ARHGEF7: variants seen among roughly 807,000 people sequenced by gnomAD.
ARHGEF7 encodes the protein PAK-interacting exchange factor beta.
ARHGEF7 carries 33 observed loss-of-function variants against 109.8 expected under a neutral mutation model. The observed-to-expected ratio is 0.30, with a 90% CI of 0.23 to 0.40. ARHGEF7 has a LOEUF of 0.40. Among genes scored for constraint, ARHGEF7 ranks in the 10% least tolerant of loss-of-function variants. The probability of loss-of-function intolerance (pLI) is 1.00; values close to 1 mark genes in which losing one functional copy is unlikely to be tolerated. For synonymous variants in ARHGEF7, 458 were observed against 424.6 expected, an observed-to-expected ratio of 1.08 and a Z score of -0.97; for missense variants, 938 against 1,098.5, an observed-to-expected ratio of 0.85 and a Z score of 2.07.
chr13:111,293,738 G>A, intron 19 of ARHGEF7: 1 of 985,414 alleles, frequency 1.0e-6, no homozygotes, highest in African/African-American at 1.7e-5. Context: ...CTTCAGGGTG[G>A]CTGTAATTCC....
chr13:111,204,012 A>G (rs2081478024), intron 2 of ARHGEF7, among the ~76,000 whole-genome samples: 2 of 152,154 alleles, frequency 1.3e-5, no homozygotes, highest in African/African-American at 4.8e-5. Context: ...TAGTCTAGGG[A>G]GGCCTGTAGA....
chr13:111,159,775 A>G lies in ARHGEF7; in HGVS notation c.252+5784A>G, dbSNP rs1486106329. On this transcript the variant is annotated intron_variant, in intron 2 of 21. Transcript: ENST00000646102. ...ATTTTGGATATTAGCTTCTTATCAG[A>G]TGTATGGTTTGCAAATACTTTCTTT... 5.3e-5 allele frequency among the ~76,000 whole-genome samples: 8 copies of G among 152,210 alleles called. No individual in the cohort carries two copies. In the East Asian group the frequency reaches 1.5e-3, roughly 29 times the overall value.
intron 2 of ARHGEF7, among the ~76,000 whole-genome samples, chr13:111,194,300 G>A (rs1473407973): frequency 6.6e-6 from 1 of 152,108 alleles, no homozygotes; most frequent in African/African-American, 2.4e-5. Flanking sequence ...TTAAGGTTTT[G>A]AAGGCTGTTT....
In ARHGEF7 at chr13:111,297,409, G is replaced by A. The variant is rs971706209; in HGVS notation, c.2312-3339G>A. ...ATTTGTGTATCCCTAAATCCTTCTC[G>A]CATGCTTTAAGTGTAGCTGTAGAAA... On this transcript the variant is annotated intron_variant, in intron 19 of 21. Coordinates refer to ENST00000646102, the MANE Select transcript of ARHGEF7 (RefSeq NM_001354046.2). Among the ~76,000 whole-genome samples, 6 of 152,198 alleles carry A rather than the reference G, an allele frequency of 3.9e-5. No individual in the cohort carries two copies. In the East Asian group the frequency reaches 9.6e-4, roughly 24 times the overall value.
At chr13:111,200,338 T>TC (rs2081074579) in intron 2 of ARHGEF7, among the ~76,000 whole-genome samples, 1 of 152,166 alleles carries the variant, frequency 6.6e-6, no homozygotes, top group South Asian at 2.1e-4. Context: ...CATTTTTTTT[T>TC]CTCTTATTGT....
chr13:111,274,804 C>A lies in ARHGEF7; in HGVS notation c.1272+14C>A. On this transcript the variant is annotated intron_variant, in intron 11 of 21. Coordinates refer to ENST00000646102, the MANE Select transcript of ARHGEF7 (RefSeq NM_001354046.2). ...AAAAACCTTTCAGTAAGTGATTAAG[C>A]ATATTGTTTTCCCCCCCAGACATTA... The A allele has an allele frequency of 1.4e-6, 2 of 1,417,250 alleles. No homozygotes were observed. Among genetic ancestry groups the A allele is most frequent in the South Asian group, 1.6e-5 (1 of 60,816 alleles). The allele number at this position is 1,417,250 out of a possible 1,614,324, so 87.8% of individuals were successfully genotyped here. A position where few individuals can be genotyped will look rare whatever the true frequency, so the allele number is the denominator to read the frequency against.
intron 2 of ARHGEF7, among the ~76,000 whole-genome samples, chr13:111,192,996 T>G (rs761098463): frequency 2.0e-5 from 3 of 152,210 alleles, no homozygotes; most frequent in Non-Finnish European, 4.4e-5. Context: ...GGACTTATGA[T>G]GGACCAAGGG....
At chr13:111,184,929 T>G (rs927738399) in intron 2 of ARHGEF7, 1 of 152,246 alleles carries the variant, frequency 6.6e-6, no homozygotes, top group African/African-American at 2.4e-5. Context: ...TGCACCTGTT[T>G]CCTGTGTCAC....
At chr13:111,174,468 C>T (rs1203850192) in intron 2 of ARHGEF7, among the ~76,000 whole-genome samples, 2 of 152,186 alleles carry the variant, frequency 1.3e-5, no homozygotes, top group African/African-American at 4.8e-5. Flanking sequence ...CTGTCATCTC[C>T]TTGTCTGTCT....
At chr13:111,261,874 G>A (rs2091126384) in intron 8 of ARHGEF7, among the ~76,000 whole-genome samples, 1 of 152,184 alleles carries the variant, frequency 6.6e-6, no homozygotes, top group South Asian at 2.1e-4. Flanking sequence ...TGACCAGTGG[G>A]TCAATGAAGA....
intron 2 of ARHGEF7, chr13:111,182,255 G>A (rs1594390897): frequency 6.6e-6 from 1 of 152,362 alleles, no homozygotes. Flanking sequence ...AAGCATTTCT[G>A]AGACTCTTTT....
chr13:111,230,231 A>G (rs991432320), intron 5 of ARHGEF7, among the ~76,000 whole-genome samples: 7 of 152,208 alleles, frequency 4.6e-5, no homozygotes, highest in Non-Finnish European at 1.0e-4. Flanking sequence ...ACTAAGCTAC[A>G]TTCTCTTGGT....
chr13:111,153,846 T>C, intron 1 of ARHGEF7, 59 bp from the exon 2 acceptor site: 1 of 1,568,634 alleles, frequency 6.4e-7, no homozygotes, highest in Non-Finnish European at 8.6e-7. Context: ...TCGCTCGGCC[T>C]TGTCCGCGGC....
At chr13:111,238,774 A>C (rs2087227535) in intron 6 of ARHGEF7, among the ~76,000 whole-genome samples, 1 of 151,970 alleles carries the variant, frequency 6.6e-6, no homozygotes, top group African/African-American at 2.4e-5. Context: ...TTAGAGAATG[A>C]GGTTTCTTAA....
intron 1 of ARHGEF7, chr13:111,122,864 T>C (rs1220811847): frequency 6.6e-6 from 1 of 152,228 alleles, no homozygotes; most frequent in South Asian, 2.1e-4. Flanking sequence ...CTGCATGTGG[T>C]TGTGTAAGCT....
At chr13:111,190,787 G>A (rs866003419) in intron 2 of ARHGEF7, among the ~76,000 whole-genome samples, 11 of 152,192 alleles carry the variant, frequency 7.2e-5, no homozygotes, top group Admixed American at 2.0e-4. Flanking sequence ...GATATAGGTC[G>A]ATGTTCCACA....
At chr13:111,294,273 C>T in intron 19 of ARHGEF7, 1 of 985,444 alleles carries the variant, frequency 1.0e-6, no homozygotes. Context: ...TCAGGGAGCA[C>T]TTTTTTGTTT....
At chr13:111,201,917 T>C (rs1043390557) in intron 2 of ARHGEF7, among the ~76,000 whole-genome samples, 9 of 152,228 alleles carry the variant, frequency 5.9e-5, no homozygotes, top group African/African-American at 2.2e-4. Flanking sequence ...GTTTGAATAC[T>C]CTGGGCTTCT....
chr13:111,280,619 C>T lies in ARHGEF7; in HGVS notation c.1667C>T (p.Thr556Met), dbSNP rs539695846. 8.1e-5 allele frequency: 130 copies of T among 1,612,502 alleles called. No homozygotes were observed. In the Middle Eastern group the frequency reaches 8.3e-4, roughly 10 times the overall value. The part of the protein sequence containing the change: ...QEWVEHLQKQ[T>M]KVTSVGNPTI... Reference sequence around the variant, plus strand: ...TGGGTGGAGCACCTACAGAAGCAAACGAAGGTCACGTCTGTGGGAAACCCC... The same window carrying T: ...TGGGTGGAGCACCTACAGAAGCAAATGAAGGTCACGTCTGTGGGAAACCCC... The change falls in exon 15 of 22, where the codon ACG becomes ATG. Residue 556 changes from threonine to methionine, a missense_variant. By Grantham distance (81) the Thr-to-Met change is moderately conservative. Transcript: ENST00000646102.
Sources: gnomAD v4.1 joint callset for allele counts (sites outside exome capture counted in the v4.1 genomes callset) on GRCh38, gnomAD v4.1.1 for gene constraint, MANE v1.5 for transcripts, NCBI Gene and HGNC (gene_info 2026-07-23, HGNC 2026-07-21) for gene names.